The following LOC400499 variants were observed in gnomAD, a reference collection of about 807,000 sequenced individuals.
chr16:11,444,042 T>A, the LOC400499 span, among the ~76,000 whole-genome samples: 1 of 151,936 alleles, frequency 6.6e-6, no homozygotes, highest in East Asian at 1.9e-4. Context: ...GGTTTTACCA[T>A]ATTGGCCAGG....
chr16:11,388,086 T>C, the LOC400499 span, among the ~76,000 whole-genome samples: 1 of 152,072 alleles, frequency 6.6e-6, no homozygotes, highest in African/African-American at 2.4e-5. Flanking sequence ...GATGGGCCAG[T>C]AGAGAGGGAG....
At chr16:11,509,063 C>A in the LOC400499 span, among the ~76,000 whole-genome samples, 1 of 151,818 alleles carries the variant, frequency 6.6e-6, no homozygotes, top group Admixed American at 6.6e-5. Flanking sequence ...CCAGCAGGGG[C>A]TGGGCAAACA....
chr16:11,454,433 C>T, the LOC400499 span, among the ~76,000 whole-genome samples: 2 of 152,194 alleles, frequency 1.3e-5, no homozygotes, highest in Non-Finnish European at 2.9e-5. Flanking sequence ...AGGACATGCC[C>T]TTAACCCAAT....
At chr16:11,450,800 G>T in the LOC400499 span, 8 of 1,534,368 alleles carry the variant, frequency 5.2e-6, no homozygotes, top group African/African-American at 8.2e-5. Context: ...ATCAGCCATG[G>T]ACTATCCAGG....
At chr16:11,414,058 CT>C in the LOC400499 span, among the ~76,000 whole-genome samples, 3 of 152,316 alleles carry the variant, frequency 2.0e-5, no homozygotes, top group Admixed American at 1.3e-4. Context: ...CAAGCAGGAG[CT>C]TTGATTCTGA....
At chr16:11,477,457 G>C in the LOC400499 span, among the ~76,000 whole-genome samples, 1 of 152,214 alleles carries the variant, frequency 6.6e-6, no homozygotes, top group Non-Finnish European at 1.5e-5. Context: ...TTCCTCATCT[G>C]TCAGTGGGAA....
chr16:11,471,729 C>G, the LOC400499 span: 9 of 399,112 alleles, frequency 2.3e-5, no homozygotes, highest in Non-Finnish European at 4.0e-5. Context: ...GCGTCACGGC[C>G]GCGAACACAG....
chr16:11,376,851 C>T, the LOC400499 span, among the ~76,000 whole-genome samples: 8 of 152,016 alleles, frequency 5.3e-5, no homozygotes, highest in African/African-American at 1.4e-4. Context: ...GTTGTATAAC[C>T]GGTCTCTGGG....
At chr16:11,477,933 G>A in the LOC400499 span, 2 of 398,900 alleles carry the variant, frequency 5.0e-6, no homozygotes, top group Admixed American at 4.4e-5. Flanking sequence ...CGGGCAGGAA[G>A]GCCAGACACG....
chr16:11,373,953 G>A, the LOC400499 span, among the ~76,000 whole-genome samples: 2,105 of 152,234 alleles, frequency 0.014, 24 homozygotes, highest in Middle Eastern at 0.027. Flanking sequence ...TCTGGTAAGA[G>A]AAGTGTTGAA....
the LOC400499 span, chr16:11,402,069 C>T: frequency 2.5e-6 from 1 of 399,220 alleles, no homozygotes; most frequent in Non-Finnish European, 4.4e-6. Context: ...ACAACCAGGC[C>T]ATCCCGGTGG....
At chr16:11,373,952 A>G in the LOC400499 span, among the ~76,000 whole-genome samples, 1 of 152,110 alleles carries the variant, frequency 6.6e-6, no homozygotes, top group Admixed American at 6.6e-5. Flanking sequence ...ATCTGGTAAG[A>G]GAAGTGTTGA....
the LOC400499 span, chr16:11,462,409 C>T: frequency 7.5e-7 from 1 of 1,327,294 alleles, no homozygotes; most frequent in Admixed American, 3.7e-5. Context: ...TCGCTAACAA[C>T]CTTCTACACC....
chr16:11,514,820 G>A, the LOC400499 span, among the ~76,000 whole-genome samples: 11 of 152,288 alleles, frequency 7.2e-5, no homozygotes, highest in Admixed American at 5.2e-4. Flanking sequence ...CCCCAGGAGA[G>A]GAATGACAAA....
the LOC400499 span, among the ~76,000 whole-genome samples, chr16:11,422,601 C>T: frequency 1.3e-5 from 2 of 152,186 alleles, no homozygotes; most frequent in Non-Finnish European, 2.9e-5. Context: ...GGAACTGCTA[C>T]TCCATATAGG....
At chr16:11,398,241 G>C in the LOC400499 span, 1 of 1,001,268 alleles carries the variant, frequency 1.0e-6, no homozygotes, top group South Asian at 5.2e-5. Flanking sequence ...GGTGGCGTCT[G>C]GCTGCCTCGC....
the LOC400499 span, among the ~76,000 whole-genome samples, chr16:11,412,117 G>C: frequency 6.6e-6 from 1 of 151,920 alleles, no homozygotes; most frequent in Non-Finnish European, 1.5e-5. Context: ...CTCCCACCTC[G>C]ACCTCCCAAA....
At chr16:11,458,399 G>A in the LOC400499 span, among the ~76,000 whole-genome samples, 1 of 152,088 alleles carries the variant, frequency 6.6e-6, no homozygotes, top group African/African-American at 2.4e-5. Context: ...CAGCTACTTG[G>A]GAGGCTGAGG....
At chr16:11,460,111 G>C in the LOC400499 span, 5 of 1,293,246 alleles carry the variant, frequency 3.9e-6, no homozygotes, top group Middle Eastern at 2.1e-4. Context: ...CCAGTCCCTG[G>C]GCCTCCTCAT....
Sources: gnomAD v4.1 joint callset for allele counts (sites outside exome capture counted in the v4.1 genomes callset) on GRCh38, gnomAD v4.1.1 for gene constraint, MANE v1.5 for transcripts.